The following STRN variants were observed in gnomAD, a reference collection of about 807,000 sequenced individuals.
STRN encodes striatin, also known as protein phosphatase 2 regulatory subunit B'''alpha.
Under a neutral mutation model 96.3 loss-of-function variants are expected in STRN, and 53 were observed. The observed-to-expected ratio is 0.55, with a 90% CI of 0.44 to 0.69. The LOEUF (loss-of-function observed/expected upper bound fraction) is 0.69. Among genes scored for constraint, STRN ranks in the 30% least tolerant of loss-of-function variants. The pLI is 0.00. For missense variants in STRN, 987 were observed against 963.9 expected, an observed-to-expected ratio of 1.02 and a Z score of -0.32; for synonymous variants, 428 against 355.9, an observed-to-expected ratio of 1.20 and a Z score of -2.28.
chr2:36,922,456 C>A (rs1418191745), intron 2 of STRN, among the ~76,000 whole-genome samples: 4 of 149,828 alleles, frequency 2.7e-5, no homozygotes, highest in Non-Finnish European at 3.0e-5. Flanking sequence ...AAGGCTGACA[C>A]CGCAGTGAAT....
chr2:36,966,265 T>C lies in STRN; in HGVS notation c.199A>G (p.Arg67Gly). Residue 67 changes from arginine to glycine, a missense_variant, in exon 1 of 18, where the codon AGA (arginine) becomes GGA (glycine). Transcript: ENST00000263918. Reference sequence around the variant, plus strand: ...GCCCGCTCCACCTCCCACTGGGCTCTCTCCACCTCGAAGCGGGCCCACTCG... The same window carrying C: ...GCCCGCTCCACCTCCCACTGGGCTCCCTCCACCTCGAAGCGGGCCCACTCG... ...QHEWARFEVE[R>G]AQWEVERAEL... is the part of the protein sequence containing the mutation. 1 of 1,587,042 alleles carries C rather than the reference T, an allele frequency of 6.3e-7. No individual in the cohort carries two copies. The highest frequency in any genetic ancestry group is 2.4e-5 in the East Asian group (1 of 41,490).
chr2:36,937,091 C>T (rs541402150), intron 1 of STRN, among the ~76,000 whole-genome samples: 4 of 152,184 alleles, frequency 2.6e-5, no homozygotes, highest in Admixed American at 6.5e-5. Flanking sequence ...TGCTTGTAAT[C>T]CCAGCACTTT....
chr2:36,942,622 T>C (rs1047685012), intron 1 of STRN, among the ~76,000 whole-genome samples: 7 of 152,224 alleles, frequency 4.6e-5, no homozygotes, highest in African/African-American at 1.7e-4. Context: ...TACTGACCAA[T>C]TGACAATACC....
chr2:36,863,189 G>A (rs901480442), intron 12 of STRN, among the ~76,000 whole-genome samples: 2 of 151,292 alleles, frequency 1.3e-5, no homozygotes, highest in East Asian at 3.9e-4. Context: ...GGTCCCATTT[G>A]TCATTTTTTT....
chr2:36,889,871 C>T (rs1669340718), intron 7 of STRN, among the ~76,000 whole-genome samples: 1 of 152,130 alleles, frequency 6.6e-6, no homozygotes, highest in African/African-American at 2.4e-5. Flanking sequence ...AAGAAGGAGA[C>T]AACTCAGTTG....
intron 9 of STRN, among the ~76,000 whole-genome samples, chr2:36,878,269 C>A (rs1668969081): frequency 6.6e-6 from 1 of 152,158 alleles, no homozygotes; most frequent in African/African-American, 2.4e-5. Flanking sequence ...ATCTAAGAAT[C>A]CACTGTCCTT....
chr2:36,928,390 A>T (rs1242568528), intron 1 of STRN, among the ~76,000 whole-genome samples: 10 of 151,898 alleles, frequency 6.6e-5, no homozygotes, highest in Admixed American at 2.6e-4. Flanking sequence ...AGTGGCTCAC[A>T]CCTGTAATCC....
At position 36,905,622 on chromosome 2, in the gene STRN, G is replaced by C. The variant is rs899076981; in HGVS notation, c.413-4C>G. The C allele has an allele frequency of 1.9e-6, 3 of 1,612,348 alleles. No homozygotes were observed. On this transcript the variant is annotated splice_polypyrimidine_tract_variant and splice_region_variant and intron_variant, in intron 3 of 17. Transcript: ENST00000263918. ...ACTTCTGTTTCATTACCTTCATCTAGAAAACATTAAGTCATAATAAAACTG... is the reference window on the plus strand; with the variant it reads ...ACTTCTGTTTCATTACCTTCATCTACAAAACATTAAGTCATAATAAAACTG...
chr2:36,893,960 A>C lies in STRN; in HGVS notation c.869T>G (p.Phe290Cys). The C allele has an allele frequency of 6.2e-7, 1 of 1,613,702 alleles. No homozygotes were observed. Among genetic ancestry groups the C allele is most frequent in the Non-Finnish European group, 8.5e-7 (1 of 1,179,864 alleles). The change falls in exon 7 of 18, where the codon TTC (phenylalanine) becomes TGC (cysteine). Residue 290 changes from phenylalanine (F) to cysteine (C), a missense_variant. Coordinates refer to ENST00000263918, the MANE Select transcript of STRN (RefSeq NM_003162.4). Reference protein sequence around the residue: ...DTKEALKEFDFLVTSEEGDNE... With the variant: ...DTKEALKEFDCLVTSEEGDNE... ...GTCTCCTTCCTCTGATGTAACCAAG[A>C]AGTCAAACTCCTTTAGAGCTTCTTT...
chr2:36,913,184 A>G (rs566167996), intron 3 of STRN, among the ~76,000 whole-genome samples: 3 of 152,282 alleles, frequency 2.0e-5, no homozygotes, highest in South Asian at 2.1e-4. Context: ...GTAATCCAAG[A>G]GTAAATCTCA....
At chr2:36,910,100 G>C (rs1025228899) in intron 3 of STRN, among the ~76,000 whole-genome samples, 4 of 151,372 alleles carry the variant, frequency 2.6e-5, no homozygotes, top group Non-Finnish European at 4.4e-5. Context: ...TTGAACCTGG[G>C]AGGCGGAGGC....
intron 1 of STRN, among the ~76,000 whole-genome samples, chr2:36,940,027 T>A (rs371563620): frequency 6.6e-6 from 1 of 152,214 alleles, no homozygotes; most frequent in African/African-American, 2.4e-5. Context: ...ATTCCCACCA[T>A]AGACATAGTT....
At chr2:36,906,161 T>C (rs1669813322) in intron 3 of STRN, among the ~76,000 whole-genome samples, 1 of 152,002 alleles carries the variant, frequency 6.6e-6, no homozygotes, top group African/African-American at 2.4e-5. Flanking sequence ...CCACAGAAAT[T>C]AAAAATTAAA....
chr2:36,851,495 G>C (rs74733887), intron 15 of STRN, among the ~76,000 whole-genome samples: 3 of 140,350 alleles, frequency 2.1e-5, no homozygotes, highest in Non-Finnish European at 4.7e-5. Flanking sequence ...AAAAAGAAAA[G>C]AAAAAAGAAA....
rs563189985 is a variant in STRN at position 36,869,541 on chromosome 2, A to C, written c.1499+13T>G. 2 of 1,505,326 alleles carry C rather than the reference A, an allele frequency of 1.3e-6. No homozygotes were observed. Among genetic ancestry groups the C allele is most frequent in the African/African-American group, 2.8e-5 (2 of 70,902 alleles). The allele number at this position is 1,505,326 out of a possible 1,614,324, so 93.2% of individuals were successfully genotyped here. The stretch of plus-strand genomic sequence containing the variant: ...TAAAATATTCAAATAATGTTAAAGT[A>C]GAATATTCTCACTTTTTGGCTGGGG... On this transcript the variant is annotated intron_variant, in intron 11 of 17. Coordinates refer to ENST00000263918, the MANE Select transcript of STRN (RefSeq NM_003162.4).
At position 36,861,133 on chromosome 2, in the gene STRN, A is replaced by G. The variant is rs756824699; in HGVS notation, c.1668T>C (p.Tyr556=). The G allele has an allele frequency of 2.0e-4, 317 of 1,613,192 alleles. 1 individual carries two copies. In the Admixed American group the frequency reaches 4.8e-3, roughly 25 times the overall value. The change falls in exon 13 of 18, where the codon TAT becomes TAC. Residue 556 remains tyrosine, a splice_region_variant and synonymous_variant. Transcript: ENST00000263918. ...TCAGATCTTTGGGAAATCACCTACC[A>G]TAAGAATCATAGGGGTCGATGTTGG... is the stretch of plus-strand genomic sequence containing the variant. The part of the protein sequence containing the change: ...TNPNIDPYDS[Y]DPSVLRGPLL...
chr2:36,939,526 C>T (rs970355636), intron 1 of STRN, among the ~76,000 whole-genome samples: 2 of 152,008 alleles, frequency 1.3e-5, no homozygotes, highest in African/African-American at 2.4e-5. Context: ...CAAAATTCAA[C>T]ATCTATTCTT....
At chr2:36,951,594 G>C (rs1664753689) in intron 1 of STRN, among the ~76,000 whole-genome samples, 1 of 152,180 alleles carries the variant, frequency 6.6e-6, no homozygotes, top group Non-Finnish European at 1.5e-5. Flanking sequence ...TGACAGACAA[G>C]ATATACATAT....
At chr2:36,873,821 T>C (rs2148157092) in intron 10 of STRN, among the ~76,000 whole-genome samples, 1 of 151,312 alleles carries the variant, frequency 6.6e-6, no homozygotes, top group South Asian at 2.1e-4. Flanking sequence ...CATGTGCCTG[T>C]AATCTCAGCT....
Sources: allele counts gnomAD v4.1 joint callset (sites outside exome capture counted in the v4.1 genomes callset), GRCh38; gene constraint gnomAD v4.1.1; transcripts MANE v1.5; gene names NCBI Gene and HGNC (gene_info 2026-07-23, HGNC 2026-07-21).